DMD: variants seen among roughly 807,000 people sequenced by gnomAD.
The protein encoded by DMD is dystrophin, also known as mutant dystrophin.
In DMD, 63 loss-of-function variants were observed where a neutral mutation model predicts 330.1. The observed-to-expected ratio is 0.19, with a 90% CI of 0.16 to 0.24. The LOEUF (loss-of-function observed/expected upper bound fraction) is 0.24. Ranked by LOEUF, DMD falls within the 10% of genes least tolerant of loss-of-function variation. DMD has a pLI of 1.00. For synonymous variants in DMD, 1,223 were observed against 959.8 expected (o/e 1.27, Z -5.07); for missense variants, 3,344 against 2,684.1 (o/e 1.25, Z -5.43).
chrX:32,503,594 C>T (rs941016724), intron 18 of DMD, among the ~76,000 whole-genome samples: 46 of 111,444 alleles, frequency 4.1e-4, no homozygotes, highest in Middle Eastern at 4.6e-3. Context: ...CTCACTCTGT[C>T]GCCCAGGCTG....
At chrX:32,417,280 G>C (rs2098169726) in intron 29 of DMD, among the ~76,000 whole-genome samples, 1 of 111,410 alleles carries the variant, frequency 9.0e-6, no homozygotes, top group African/African-American at 3.3e-5. Context: ...ACTCTCTGAA[G>C]GTTTTAGAAA....
intron 2 of DMD, among the ~76,000 whole-genome samples, chrX:32,857,276 A>G (rs1169605620): frequency 2.7e-5 from 3 of 112,077 alleles, no homozygotes; most frequent in African/African-American, 9.7e-5. Flanking sequence ...ATACACATAA[A>G]TCTTAAAACA....
At chrX:32,673,828 A>G (rs1360270448) in intron 9 of DMD, among the ~76,000 whole-genome samples, 2 of 112,227 alleles carry the variant, frequency 1.8e-5, no homozygotes, top group Non-Finnish European at 3.8e-5. Context: ...ATGTCAAAAG[A>G]GGTTAACATT....
chrX:32,305,539 G>A (rs1363491586), intron 42 of DMD, among the ~76,000 whole-genome samples: 1 of 110,996 alleles, frequency 9.0e-6, no homozygotes, highest in Admixed American at 9.6e-5. Flanking sequence ...TCCAGAATCT[G>A]ACATTCTCTC....
At chrX:33,009,125 T>C (rs1237795143) in intron 2 of DMD, among the ~76,000 whole-genome samples, 5 of 23,002 alleles carry the variant, frequency 2.2e-4, no homozygotes, top group African/African-American at 5.8e-4. Context: ...TATATATACG[T>C]ATATATGTAT....
chrX:33,211,763 T>C (rs398123824), upstream of DMD, among the ~76,000 whole-genome samples: 15 of 112,596 alleles, frequency 1.3e-4, no homozygotes, highest in Middle Eastern at 4.6e-3. Flanking sequence ...ACAGTGGACA[T>C]AGTACTTGCT....
Position 32,319,630 on chromosome X carries a change from G to A in DMD, c.5923-9354C>T, listed in dbSNP as rs972880020. 1.7e-4 allele frequency among the ~76,000 whole-genome samples: 19 copies of A among 111,215 alleles called. No individual in the cohort carries two copies. In the Admixed American group the frequency reaches 1.8e-3, roughly 11 times the overall value. ...CTATGTCGCATTTCTTCAATTCATA[G>A]CACATTAGCTACATGCTATTGTACA... On this transcript the variant is annotated intron_variant, in intron 41 of 78. Transcript: ENST00000357033.
chrX:32,846,445 C>T (rs188921261), intron 3 of DMD, among the ~76,000 whole-genome samples: 108 of 111,124 alleles, frequency 9.7e-4, no homozygotes, highest in African/African-American at 3.4e-3. Flanking sequence ...AGTAGTTCCT[C>T]ACCCTAGAAC....
chrX:33,044,445 G>A (rs2094349334), intron 1 of DMD, among the ~76,000 whole-genome samples: 1 of 111,447 alleles, frequency 9.0e-6, no homozygotes, highest in Admixed American at 9.5e-5. Context: ...AAGAAAGCAA[G>A]GAGGGAATGG....
chrX:32,573,958 G>A (rs1023325220), intron 13 of DMD, 112 bp from the exon 14 acceptor site: 39 of 581,427 alleles, frequency 6.7e-5, no homozygotes, highest in Admixed American at 6.7e-4. Flanking sequence ...TACGCTAGAA[G>A]TTGGAAGGGA....
intron 2 of DMD, among the ~76,000 whole-genome samples, chrX:32,912,791 G>T (rs1272209143): frequency 2.7e-5 from 3 of 111,547 alleles, no homozygotes; most frequent in Non-Finnish European, 5.6e-5. Flanking sequence ...TATCTCTGGT[G>T]GTAGTGGGGA....
At chrX:33,042,359 T>C (rs995101235) in intron 1 of DMD, among the ~76,000 whole-genome samples, 8 of 112,027 alleles carry the variant, frequency 7.1e-5, no homozygotes, top group East Asian at 5.6e-4. Context: ...TCAAGTTTCA[T>C]TGATAGTCCT....
intron 43 of DMD, among the ~76,000 whole-genome samples, chrX:32,266,448 A>G (rs1428663025): frequency 1.8e-5 from 2 of 112,131 alleles, no homozygotes; most frequent in African/African-American, 6.5e-5. Context: ...GAGTTTACTT[A>G]TTAATGCTAA....
At chrX:32,976,961 A>G (rs2092569006) in intron 2 of DMD, among the ~76,000 whole-genome samples, 1 of 111,185 alleles carries the variant, frequency 9.0e-6, no homozygotes, top group African/African-American at 3.3e-5. Context: ...ACAGGGTTAA[A>G]ACCTATACGG....
At chrX:31,868,893 C>T (rs2093843794) in intron 48 of DMD, among the ~76,000 whole-genome samples, 1 of 111,694 alleles carries the variant, frequency 9.0e-6, no homozygotes, top group Admixed American at 9.5e-5. Context: ...AAACAGAAAG[C>T]TGTACATATT....
At chrX:31,757,295 T>G (rs1414906254) in intron 51 of DMD, among the ~76,000 whole-genome samples, 1 of 111,504 alleles carries the variant, frequency 9.0e-6, no homozygotes, top group Non-Finnish European at 1.9e-5. Context: ...CAATTTAATT[T>G]TTTCCTGCTA....
At chrX:31,246,790 G>C (rs950009246) in intron 63 of DMD, among the ~76,000 whole-genome samples, 27 of 111,227 alleles carry the variant, frequency 2.4e-4, no homozygotes, top group Admixed American at 1.1e-3. Context: ...ACCAGGTGTG[G>C]TGGCAGACGC....
intron 1 of DMD, among the ~76,000 whole-genome samples, chrX:33,232,015 G>T (rs762816619): frequency 1.8e-5 from 2 of 111,754 alleles, no homozygotes; most frequent in Admixed American, 1.9e-4. Flanking sequence ...ATTGGGCCAA[G>T]CCAGCAAGAA....
At chrX:32,724,341 G>C (rs920495459) in intron 7 of DMD, among the ~76,000 whole-genome samples, 12 of 111,495 alleles carry the variant, frequency 1.1e-4, no homozygotes, top group Admixed American at 3.8e-4. Context: ...TTTCTGTTCA[G>C]TTCTTATCAT....
Sources: allele counts gnomAD v4.1 joint callset (sites outside exome capture counted in the v4.1 genomes callset), GRCh38; gene constraint gnomAD v4.1.1; transcripts MANE v1.5; gene names NCBI Gene and HGNC (gene_info 2026-07-23, HGNC 2026-07-21).